Variants in NCOR2 observed in about 807,000 individuals in gnomAD.
NCOR2 encodes CTG repeat protein 26.
A neutral mutation model predicts 262.9 loss-of-function variants in NCOR2; 81 were observed. The observed-to-expected ratio is 0.31, with a 90% CI of 0.26 to 0.37. The LOEUF (loss-of-function observed/expected upper bound fraction) is 0.37, where lower values mean the gene tolerates loss of function less well. Ranked by LOEUF, NCOR2 falls within the 10% of genes least tolerant of loss-of-function variation. The pLI is 1.00. For missense variants in NCOR2, 3,385 were observed against 3,621.4 expected (o/e 0.93, Z 1.68); for synonymous variants, 1,659 against 1,559.3 (o/e 1.06, Z -1.51).
intron 1 of NCOR2, among the ~76,000 whole-genome samples, chr12:124,545,215 G>A (rs2051503267): frequency 6.6e-6 from 1 of 152,102 alleles, no homozygotes; most frequent in African/African-American, 2.4e-5. Context: ...AGGGAGCAGA[G>A]TCTCGGAGGG....
chr12:124,535,433 C>G (rs1301647763), intron 1 of NCOR2, 132 bp downstream of exon 2: 1 of 152,422 alleles, frequency 6.6e-6, no homozygotes, highest in Non-Finnish European at 1.5e-5. Flanking sequence ...AGACCCCACA[C>G]GCCCCCCGAG....
intron 1 of NCOR2, among the ~76,000 whole-genome samples, chr12:124,501,062 G>GCGCACA (rs1555232719): frequency 1.0e-4 from 15 of 147,914 alleles, no homozygotes; most frequent in East Asian, 4.2e-4. Flanking sequence ...GCGCACGCGC[G>GCGCACA]CACACACACA....
rs576124143 is a variant in NCOR2 at position 124,344,142 on chromosome 12, C to A, written c.4714+455G>T. Among the ~76,000 whole-genome samples, 4 of 152,230 alleles carry A rather than the reference C, an allele frequency of 2.6e-5. No individual in the cohort carries two copies. In the South Asian group the frequency reaches 8.3e-4, roughly 32 times the overall value. On this transcript the variant is annotated intron_variant, in intron 32 of 46. Coordinates refer to ENST00000405201, the Ensembl canonical transcript of NCOR2. ...ACTGAATTGACCGAGCTAAGCATGGCCAGGGAACAAAGAGAAAGAGGGCCC... is the reference window on the plus strand; with the variant it reads ...ACTGAATTGACCGAGCTAAGCATGGACAGGGAACAAAGAGAAAGAGGGCCC...
chr12:124,327,373 G>C (rs1330533808), intron 45 of NCOR2, 36 bp downstream of exon 47: 13 of 1,490,558 alleles, frequency 8.7e-6, no homozygotes, highest in Non-Finnish European at 1.1e-5. Context: ...CCGGGGGTGG[G>C]GACAGACGGG....
intron 15 of NCOR2, 102 bp downstream of exon 17, chr12:124,400,399 T>C (rs1023727320): frequency 8.1e-6 from 12 of 1,482,444 alleles, no homozygotes; most frequent in African/African-American, 2.8e-5. Flanking sequence ...ACCAACCCCT[T>C]GGCTGTTGCC....
chr12:124,339,912 ATATACCT>A, intron 37 of NCOR2, 87 bp downstream of exon 39: 1 of 168,020 alleles, frequency 6.0e-6, no homozygotes, highest in Non-Finnish European at 1.1e-5. Flanking sequence ...CCCACCTCCC[ATATACCT>A]CCCACCAAGC....
At chr12:124,495,863 G>C (rs559745863), upstream of NCOR2, among the ~76,000 whole-genome samples, 1 of 152,190 alleles carries the variant, frequency 6.6e-6, no homozygotes, top group African/African-American at 2.4e-5. This position sits in a 1 kb window ranked among gnomAD's most constrained non-coding sequence, Gnocchi z 4.4. Flanking sequence ...AGCATGACCT[G>C]GGCAAGGCTA....
chr12:124,361,743 C>T (rs1226500174), intron 22 of NCOR2, among the ~76,000 whole-genome samples: 1 of 152,202 alleles, frequency 6.6e-6, no homozygotes, highest in Non-Finnish European at 1.5e-5. Context: ...AGAGGCTGGG[C>T]TGTAGACATG....
chr12:124,530,269 T>C (rs952254236), intron 1 of NCOR2: 5 of 136,908 alleles, frequency 3.7e-5, no homozygotes, highest in Admixed American at 3.1e-4. Context: ...AGCAGATCAG[T>C]GGGTACCTCT....
chr12:124,327,420 A>T lies in NCOR2; in HGVS notation c.7172T>A (p.Leu2391His), dbSNP rs375362447. 4.3e-6 allele frequency: 7 copies of T among 1,609,828 alleles called. No individual in the cohort carries two copies. The African/African-American group carries it at 9.4e-5, about 22-fold the overall frequency. Residue 2391 changes from leucine (L) to histidine (H), a missense_variant, in exon 45 of 47, where the codon CTC becomes CAC. By Grantham distance (99) the Leu-to-His change is moderately conservative. Coordinates refer to ENST00000405201, the Ensembl canonical transcript of NCOR2. ...GGTGGCCTGCAGACCTGGCGAGGTG[A>T]GTGTGTGGTCACTCCGTCCGTCAGC...
intron 16 of NCOR2, among the ~76,000 whole-genome samples, chr12:124,393,064 A>G (rs951976): frequency 0.12 from 18,518 of 151,472 alleles, 1,365 homozygotes; most frequent in South Asian, 0.17. Context: ...GAGCCTCCCA[A>G]CCCCCTCCAC....
At chr12:124,413,307 G>A (rs1470815321) in intron 13 of NCOR2, among the ~76,000 whole-genome samples, 1 of 152,240 alleles carries the variant, frequency 6.6e-6, no homozygotes, top group African/African-American at 2.4e-5. Flanking sequence ...AGTCTGGGGT[G>A]TTGAGATGGG....
At chr12:124,398,309 AC>A (rs1565907489) in intron 15 of NCOR2, 128 bp from the exon 18 acceptor site, 1 of 975,808 alleles carries the variant, frequency 1.0e-6, no homozygotes, top group Non-Finnish European at 1.6e-6. Flanking sequence ...ACGGCTCTGA[AC>A]CCCGTGGGAA....
chr12:124,371,436 C>G (rs190893098), intron 20 of NCOR2, among the ~76,000 whole-genome samples: 167 of 152,348 alleles, frequency 1.1e-3, no homozygotes, highest in African/African-American at 3.6e-3. Flanking sequence ...TAAGATGAAG[C>G]TGCACTAGAT....
Position 124,347,697 on chromosome 12 carries a change from T to C in NCOR2, c.4072+128A>G. The C allele has an allele frequency of 3.5e-6, 3 of 855,890 alleles. No homozygotes were observed. In the South Asian group the frequency reaches 4.9e-5, roughly 14 times the overall value. 53.0% of individuals were successfully genotyped at this position (855,890 alleles called of 1,614,324 possible). On this transcript the variant is annotated intron_variant, in intron 30 of 46. Transcript: ENST00000405201. ...AGCTCACGTACTGATCATGTACATG[T>C]GTGCTGCAGGCCTTTCTGCATACTT... is the stretch of plus-strand genomic sequence containing the variant.
Position 124,374,400 on chromosome 12 carries a change from G to A in NCOR2, c.2218+13C>T. On this transcript the variant is annotated intron_variant, in intron 19 of 46. Transcript: ENST00000405201. The stretch of plus-strand genomic sequence containing the variant: ...CCGGCCCTACCCCCCAGGCCAGCCG[G>A]CCACATTCGTACCTGGGCCACTGCA... 6.2e-7 allele frequency: 1 copy of A among 1,612,152 alleles called. No individual in the cohort carries two copies.
In NCOR2 at chr12:124,408,852, C is replaced by T. The variant is rs572383302; in HGVS notation, c.1483-6291G>A. Among the ~76,000 whole-genome samples the T allele has an allele frequency of 9.4e-4, 143 of 152,318 alleles. 2 individuals are homozygous for T. Among genetic ancestry groups the T allele is most frequent in the Admixed American group, 7.0e-3 (107 of 15,306 alleles). Reference sequence around the variant, plus strand: ...GGCTACATGGAGCTACGAAGTCATCCGTGCCGTGGAGGTGACTTCCGCCAA... The same window carrying T: ...GGCTACATGGAGCTACGAAGTCATCTGTGCCGTGGAGGTGACTTCCGCCAA... On this transcript the variant is annotated intron_variant, in intron 13 of 46. Coordinates refer to ENST00000405201, the Ensembl canonical transcript of NCOR2.
Position 124,378,523 on chromosome 12 carries a change from AC to A in NCOR2, c.2020-140del. ...CAATGAGGGTGACCGTCCCCCTCAC[AC>A]CCCACCTCGGCAGCCAAGCGTGCCA... is the stretch of plus-strand genomic sequence containing the variant. On this transcript the variant is annotated intron_variant, in intron 17 of 46. Coordinates refer to ENST00000405201, the Ensembl canonical transcript of NCOR2. The surrounding 1 kb of genome is among the most constrained non-coding windows in gnomAD (Gnocchi z 4.2). 1.2e-6 allele frequency: 1 copy of A among 838,046 alleles called. No individual in the cohort carries two copies. The allele number at this position is 838,046 out of a possible 1,614,324, so 51.9% of individuals were successfully genotyped here. A position where few individuals can be genotyped will look rare whatever the true frequency, so the allele number is the denominator to read the frequency against.
intron 1 of NCOR2, among the ~76,000 whole-genome samples, chr12:124,564,761 C>A (rs1212156980): frequency 1.3e-5 from 2 of 152,096 alleles, no homozygotes; most frequent in Non-Finnish European, 2.9e-5. Flanking sequence ...GGGTTGGGAA[C>A]ACAGAACTAT....
Sources: gnomAD v4.1 joint callset for allele counts (sites outside exome capture counted in the v4.1 genomes callset) on GRCh38, gnomAD v4.1.1 for gene constraint, Gnocchi (gnomAD v3.1) non-coding constraint, MANE v1.5 for transcripts, NCBI Gene and HGNC (gene_info 2026-07-23, HGNC 2026-07-21) for gene names.